The following CNTNAP5 variants were observed in gnomAD, a reference collection of about 807,000 sequenced individuals.
CNTNAP5 encodes the protein contactin associated protein family member 5.
A neutral mutation model predicts 150.2 loss-of-function variants in CNTNAP5; 72 were observed. The ratio of observed to expected loss-of-function variants is 0.48; its 90% CI spans 0.40 to 0.58. CNTNAP5 has a LOEUF of 0.58. Ranked by LOEUF, CNTNAP5 falls within the 20% of genes least tolerant of loss-of-function variation. The pLI is 0.00. For synonymous variants in CNTNAP5, 672 were observed against 619.8 expected (o/e 1.08, Z -1.25); for missense variants, 1,636 against 1,626.2 (o/e 1.01, Z -0.10).
intron 3 of CNTNAP5, among the ~76,000 whole-genome samples, chr2:124,355,440 G>T (rs533907983): frequency 3.3e-5 from 5 of 152,238 alleles, no homozygotes; most frequent in Admixed American, 6.5e-5. Context: ...GTGGAATGGA[G>T]CAGAGCTGGT....
In CNTNAP5 at chr2:124,707,085, GGAA is replaced by G. The variant is rs1210057170; in HGVS notation, c.2078-40132_2078-40130del. Among the ~76,000 whole-genome samples, 825 of 113,422 alleles carry G rather than the reference GGAA, an allele frequency of 7.3e-3. 71 individuals are homozygous for G. Among genetic ancestry groups the G allele is most frequent in the African/African-American group, 0.025 (701 of 27,896 alleles). The allele number at this position is 113,422 out of a possible 152,430, so 74.4% of individuals were successfully genotyped here. ...GAGAGGAAGAGGAAGAAGAAGAAGA[GGAA>G]GAAGAAGAAGAGGAAGAAGAAGAGG... is the stretch of plus-strand genomic sequence containing the variant. On this transcript the variant is annotated intron_variant, in intron 13 of 23. Coordinates refer to ENST00000682447, the MANE Select transcript of CNTNAP5 (RefSeq NM_001367498.1).
At chr2:124,286,812 C>T (rs887764909) in intron 3 of CNTNAP5, among the ~76,000 whole-genome samples, 28 of 152,186 alleles carry the variant, frequency 1.8e-4, no homozygotes, top group African/African-American at 6.8e-4. Flanking sequence ...TGTAGCTGTT[C>T]TCTTTCAGCA....
intron 1 of CNTNAP5, among the ~76,000 whole-genome samples, chr2:124,045,009 A>T (rs902850240): frequency 1.1e-4 from 17 of 152,084 alleles, no homozygotes; most frequent in Non-Finnish European, 2.1e-4. Flanking sequence ...TGTATATCTT[A>T]AAAAATACAA....
At chr2:124,029,785 C>T (rs1405853980) in intron 1 of CNTNAP5, among the ~76,000 whole-genome samples, 27 of 152,008 alleles carry the variant, frequency 1.8e-4, no homozygotes, top group Admixed American at 1.7e-3. Flanking sequence ...TTTGAAATGC[C>T]CCTGAAACCT....
At chr2:124,885,439 A>T (rs1244082746) in intron 21 of CNTNAP5, among the ~76,000 whole-genome samples, 1 of 151,930 alleles carries the variant, frequency 6.6e-6, no homozygotes, top group African/African-American at 2.4e-5. Context: ...TTTTTTATTG[A>T]AGTGAAACGC....
At chr2:124,029,174 T>C (rs1436615359) in intron 1 of CNTNAP5, among the ~76,000 whole-genome samples, 1 of 152,092 alleles carries the variant, frequency 6.6e-6, no homozygotes, top group Non-Finnish European at 1.5e-5. Flanking sequence ...TCATCATATG[T>C]AGAATTTCAA....
At chr2:124,852,239 C>T (rs915732899) in intron 19 of CNTNAP5, among the ~76,000 whole-genome samples, 3 of 152,162 alleles carry the variant, frequency 2.0e-5, no homozygotes, top group African/African-American at 7.2e-5. Flanking sequence ...TTATGACTGA[C>T]AGCTTGAAAA....
chr2:124,277,200 T>G (rs1255537469), intron 3 of CNTNAP5, among the ~76,000 whole-genome samples: 3 of 152,176 alleles, frequency 2.0e-5, no homozygotes, highest in Non-Finnish European at 4.4e-5. Context: ...ACCTGGGGTT[T>G]GTTTCTCTAT....
At chr2:124,071,401 A>G (rs533537915) in intron 1 of CNTNAP5, among the ~76,000 whole-genome samples, 2 of 152,020 alleles carry the variant, frequency 1.3e-5, no homozygotes, top group Admixed American at 6.6e-5. Flanking sequence ...AAAAATTAAC[A>G]AAATGAAAAG....
At chr2:124,804,689 C>A (rs961017616) in intron 19 of CNTNAP5, among the ~76,000 whole-genome samples, 5 of 152,064 alleles carry the variant, frequency 3.3e-5, no homozygotes, top group Non-Finnish European at 1.5e-5. Context: ...TCAACAGGGA[C>A]CGAGTCAGCC....
chr2:124,143,058 C>G (rs1213537993), intron 1 of CNTNAP5, among the ~76,000 whole-genome samples: 1 of 32,424 alleles, frequency 3.1e-5, no homozygotes, highest in Non-Finnish European at 5.6e-5. Flanking sequence ...GGATACATTC[C>G]TCGACACATA....
rs191210921 is a variant in CNTNAP5 at position 124,912,739 on chromosome 2, C to T, written c.3727+1201C>T. 3.9e-5 allele frequency among the ~76,000 whole-genome samples: 6 copies of T among 152,144 alleles called. No individual in the cohort carries two copies. In the East Asian group the frequency reaches 5.8e-4, roughly 15 times the overall value. Reference sequence around the variant, plus strand: ...CTGCTGACTCCTCTCCAGCTATTTACGTGCTCTATGAGTCTCTTTAAGGAC... The same window carrying T: ...CTGCTGACTCCTCTCCAGCTATTTATGTGCTCTATGAGTCTCTTTAAGGAC... On this transcript the variant is annotated intron_variant, in intron 23 of 23. Coordinates refer to ENST00000682447, the MANE Select transcript of CNTNAP5 (RefSeq NM_001367498.1).
chr2:124,697,754 C>T (rs1375086933), intron 13 of CNTNAP5, among the ~76,000 whole-genome samples: 1 of 152,158 alleles, frequency 6.6e-6, no homozygotes, highest in Non-Finnish European at 1.5e-5. Context: ...GCTTCATCAT[C>T]TGTTAATATC....
At chr2:124,343,710 G>A (rs567328116) in intron 3 of CNTNAP5, among the ~76,000 whole-genome samples, 8 of 152,096 alleles carry the variant, frequency 5.3e-5, no homozygotes, top group Non-Finnish European at 8.8e-5. Flanking sequence ...TACAAAGAAC[G>A]TGTTTCTCTC....
intron 12 of CNTNAP5, among the ~76,000 whole-genome samples, chr2:124,641,682 A>T (rs1307780412): frequency 6.6e-6 from 1 of 152,190 alleles, no homozygotes; most frequent in African/African-American, 2.4e-5. Flanking sequence ...GCTCTATTAC[A>T]ATAGGAGTAT....
At chr2:124,695,366 T>A (rs1679384627) in intron 13 of CNTNAP5, among the ~76,000 whole-genome samples, 1 of 152,168 alleles carries the variant, frequency 6.6e-6, no homozygotes, top group Non-Finnish European at 1.5e-5. Context: ...TTAATATGAT[T>A]CATCAGTTGT....
intron 13 of CNTNAP5, among the ~76,000 whole-genome samples, chr2:124,706,021 C>G (rs570111087): frequency 6.6e-6 from 1 of 152,274 alleles, no homozygotes; most frequent in Non-Finnish European, 1.5e-5. Context: ...CAGGTCTCAT[C>G]TCTCCTACCT....
intron 3 of CNTNAP5, among the ~76,000 whole-genome samples, chr2:124,410,765 C>A (rs1477607784): frequency 2.0e-5 from 3 of 150,678 alleles, no homozygotes; most frequent in Non-Finnish European, 4.4e-5. Context: ...TAAATGCCCA[C>A]AAGAGAAAGC....
chr2:124,773,128 C>A, intron 17 of CNTNAP5, 111 bp downstream of exon 17: 1 of 791,098 alleles, frequency 1.3e-6, no homozygotes, highest in Non-Finnish European at 2.1e-6. Flanking sequence ...ATCAAAATGT[C>A]ATAAATCATT....
Sources: gnomAD v4.1 joint callset for allele counts (sites outside exome capture counted in the v4.1 genomes callset) on GRCh38, gnomAD v4.1.1 for gene constraint, MANE v1.5 for transcripts, NCBI Gene and HGNC (gene_info 2026-07-23, HGNC 2026-07-21) for gene names.